MACROD2: variants seen among roughly 807,000 people sequenced by gnomAD.
The protein encoded by MACROD2 is ADP-ribose glycohydrolase MACROD2.
A neutral mutation model predicts 70.4 loss-of-function variants in MACROD2; 36 were observed. The observed-to-expected ratio is 0.51, with a 90% CI of 0.39 to 0.68. MACROD2 has a LOEUF of 0.68. Among genes scored for constraint, MACROD2 ranks in the 30% least tolerant of loss-of-function variants. MACROD2 has a pLI of 0.00. For missense variants in MACROD2, 496 were observed against 538.4 expected (o/e 0.92, Z 0.78); for synonymous variants, 172 against 178.8 (o/e 0.96, Z 0.30).
intron 4 of MACROD2, among the ~76,000 whole-genome samples, chr20:14,681,152 A>G (rs182167969): frequency 2.0e-5 from 3 of 152,224 alleles, no homozygotes; most frequent in Admixed American, 2.0e-4. Context: ...CAAAATTTGA[A>G]CTCTCTTACA....
chr20:15,639,102 T>C (rs901358611), intron 8 of MACROD2, among the ~76,000 whole-genome samples: 3 of 151,554 alleles, frequency 2.0e-5, no homozygotes, highest in African/African-American at 7.3e-5. Context: ...CTGGGCACAG[T>C]GGAAGGAACA....
chr20:15,059,748 G>T (rs897074268), intron 5 of MACROD2, among the ~76,000 whole-genome samples: 3 of 152,148 alleles, frequency 2.0e-5, no homozygotes, highest in Admixed American at 1.3e-4. Flanking sequence ...CAAAACACTT[G>T]CAAAAGAGAA....
At chr20:15,380,585 T>C (rs1317545107) in intron 6 of MACROD2, among the ~76,000 whole-genome samples, 2 of 152,178 alleles carry the variant, frequency 1.3e-5, no homozygotes, top group Admixed American at 6.5e-5. Flanking sequence ...GCTCTTCAGG[T>C]AACCTAAGTC....
chr20:14,385,510 G>A (rs1157835319), intron 3 of MACROD2, among the ~76,000 whole-genome samples: 1 of 152,066 alleles, frequency 6.6e-6, no homozygotes, highest in Non-Finnish European at 1.5e-5. Flanking sequence ...ACCCTTTAAA[G>A]TCTACATGTC....
intron 4 of MACROD2, among the ~76,000 whole-genome samples, chr20:14,597,046 C>G (rs1900695002): frequency 6.6e-6 from 1 of 152,094 alleles, no homozygotes; most frequent in South Asian, 2.1e-4. Flanking sequence ...TTTTATCTTA[C>G]AAATATCATT....
At chr20:15,354,099 C>T (rs2078259201) in intron 6 of MACROD2, among the ~76,000 whole-genome samples, 2 of 151,188 alleles carry the variant, frequency 1.3e-5, no homozygotes, top group South Asian at 4.2e-4. Flanking sequence ...TGGAACCAAC[C>T]CAAATGTCCA....
chr20:14,624,836 G>C (rs1391540189), intron 4 of MACROD2, among the ~76,000 whole-genome samples: 1 of 152,204 alleles, frequency 6.6e-6, no homozygotes, highest in African/African-American at 2.4e-5. Context: ...CAGCTTATTA[G>C]ATGAATGCCA....
At chr20:15,195,147 G>A (rs114111385) in intron 5 of MACROD2, among the ~76,000 whole-genome samples, 1,995 of 152,168 alleles carry the variant, frequency 0.013, 35 homozygotes, top group African/African-American at 0.043. Flanking sequence ...GAAAACCTAG[G>A]TGATACCATT....
At position 14,596,638 on chromosome 20, in the gene MACROD2, C is replaced by T. The variant is rs568049338; in HGVS notation, c.302-88205C>T. Among the ~76,000 whole-genome samples the T allele has an allele frequency of 2.0e-5, 3 of 152,042 alleles. No homozygotes were observed. The South Asian group carries it at 6.2e-4, about 32-fold the overall frequency. On this transcript the variant is annotated intron_variant, in intron 4 of 17. Coordinates refer to ENST00000684519, the MANE Select transcript of MACROD2 (RefSeq NM_001351661.2). ...CCAAAATATTATGTTTACTTATTCA[C>T]TTTTATTGCTATACTTACACTTTTA...
intron 6 of MACROD2, among the ~76,000 whole-genome samples, chr20:15,384,405 T>C (rs1488924447): frequency 4.6e-5 from 7 of 152,210 alleles, no homozygotes; most frequent in African/African-American, 1.7e-4. Context: ...GGACCACAGG[T>C]ATGCACCACC....
At chr20:15,011,681 T>A (rs546771030) in intron 5 of MACROD2, among the ~76,000 whole-genome samples, 1 of 152,232 alleles carries the variant, frequency 6.6e-6, no homozygotes, top group African/African-American at 2.4e-5. Flanking sequence ...CCTTCCCCTC[T>A]CTCTCCATCC....
chr20:16,034,631 G>T (rs2067198607), intron 15 of MACROD2, among the ~76,000 whole-genome samples: 1 of 151,716 alleles, frequency 6.6e-6, no homozygotes, highest in African/African-American at 2.4e-5. Context: ...TTTGTTTTTG[G>T]TATTATATTC....
chr20:14,573,671 T>G (rs2123325560), intron 4 of MACROD2, among the ~76,000 whole-genome samples: 1 of 152,260 alleles, frequency 6.6e-6, no homozygotes, highest in South Asian at 2.1e-4. Context: ...GAGAGAATAC[T>G]TAGTGCTATA....
chr20:14,848,447 CT>C (rs919784695), intron 5 of MACROD2, among the ~76,000 whole-genome samples: 3 of 151,336 alleles, frequency 2.0e-5, no homozygotes, highest in Admixed American at 1.3e-4. Context: ...GGCCCTTGCT[CT>C]TTTTTTTTCT....
At chr20:14,447,773 A>G (rs1269926359) in intron 3 of MACROD2, among the ~76,000 whole-genome samples, 3 of 151,986 alleles carry the variant, frequency 2.0e-5, no homozygotes, top group Non-Finnish European at 2.9e-5. Flanking sequence ...AGAAGCAGAC[A>G]CCACTGTCCA....
At chr20:15,161,446 C>T (rs1447832576) in intron 5 of MACROD2, among the ~76,000 whole-genome samples, 1 of 151,250 alleles carries the variant, frequency 6.6e-6, no homozygotes, top group Non-Finnish European at 1.5e-5. Context: ...TGTTCATGTA[C>T]TATTAACTCT....
At chr20:14,009,451 A>T (rs1369166839) in intron 2 of MACROD2, among the ~76,000 whole-genome samples, 3 of 152,212 alleles carry the variant, frequency 2.0e-5, no homozygotes, top group Non-Finnish European at 4.4e-5. Flanking sequence ...AATGGCTATC[A>T]TTAAAAAGTC....
At chr20:15,798,222 G>A (rs1194290380) in intron 8 of MACROD2, among the ~76,000 whole-genome samples, 1 of 152,212 alleles carries the variant, frequency 6.6e-6, no homozygotes, top group African/African-American at 2.4e-5. Flanking sequence ...CAGTGGGGAT[G>A]ACTCTTCCCT....
intron 3 of MACROD2, among the ~76,000 whole-genome samples, chr20:14,230,654 T>TATATATATATATATATATATAAA: frequency 5.1e-4 from 38 of 74,224 alleles, no homozygotes; most frequent in African/African-American, 2.5e-3. Context: ...TATATATATA[T>TATATATATATATATATATATAAA]AACACAGGCT....
Sources: allele counts gnomAD v4.1 joint callset (sites outside exome capture counted in the v4.1 genomes callset), GRCh38; gene constraint gnomAD v4.1.1; transcripts MANE v1.5; gene names NCBI Gene and HGNC (gene_info 2026-07-23, HGNC 2026-07-21).